MYBPC1: variants seen among roughly 807,000 people sequenced by gnomAD.
MYBPC1 encodes the protein myosin binding protein C1.
Under a neutral mutation model 147.1 loss-of-function variants are expected in MYBPC1, and 52 were observed. The ratio of observed to expected loss-of-function variants is 0.35; its 90% CI spans 0.28 to 0.45. The LOEUF (loss-of-function observed/expected upper bound fraction) is 0.45, where lower values mean the gene tolerates loss of function less well. Among genes scored for constraint, MYBPC1 ranks in the 20% least tolerant of loss-of-function variants. MYBPC1 has a pLI of 1.00. For synonymous variants in MYBPC1, 477 were observed against 475.9 expected (o/e 1.00, Z -0.03); for missense variants, 1,228 against 1,440.3 (o/e 0.85, Z 2.39).
In MYBPC1 at chr12:101,639,122, A is replaced by T. The variant is rs77746146; in HGVS notation, c.665+2394A>T. On this transcript the variant is annotated intron_variant, in intron 10 of 31. Coordinates refer to ENST00000361466, the MANE Select transcript of MYBPC1 (RefSeq NM_002465.4). ...TTCAAATAGACATTAGCTAAATCAGATTAAATCTTTTGGGCAGCATCCTGT... is the reference window on the plus strand; with the variant it reads ...TTCAAATAGACATTAGCTAAATCAGTTTAAATCTTTTGGGCAGCATCCTGT... 6.2e-3 allele frequency among the ~76,000 whole-genome samples: 948 copies of T among 152,320 alleles called. 8 individuals carry two copies. The highest frequency in any genetic ancestry group is 9.6e-3 in the Non-Finnish European group (650 of 68,024).
chr12:101,658,058 G>A (rs1287569621), intron 18 of MYBPC1, among the ~76,000 whole-genome samples: 1 of 151,548 alleles, frequency 6.6e-6, no homozygotes, highest in Non-Finnish European at 1.5e-5. Context: ...GTGAACCCGG[G>A]AGGCGGAGCT....
rs372563184 is a variant in MYBPC1, at chr12:101,678,255, T to C, written c.3246+17T>C. On this transcript the variant is annotated intron_variant, in intron 28 of 31. Coordinates refer to ENST00000361466, the MANE Select transcript of MYBPC1 (RefSeq NM_002465.4). ...AATCCTAAGGTACCATGTTCTTCTA[T>C]CACATCAGTTAAAGTCCCTGTCTTG... is the stretch of plus-strand genomic sequence containing the variant. 1.3e-5 allele frequency: 21 copies of C among 1,613,562 alleles called. No homozygotes were observed. The highest frequency in any genetic ancestry group is 2.2e-5 in the South Asian group (2 of 91,088).
At chr12:101,621,085 A>T (rs957207224) in intron 3 of MYBPC1, among the ~76,000 whole-genome samples, 11 of 152,218 alleles carry the variant, frequency 7.2e-5, no homozygotes, top group Non-Finnish European at 1.6e-4. Context: ...TTTTAAAAAA[A>T]TTTAGGTTCT....
At chr12:101,621,712 G>C (rs1164478417) in intron 3 of MYBPC1, among the ~76,000 whole-genome samples, 4 of 152,058 alleles carry the variant, frequency 2.6e-5, no homozygotes, top group Non-Finnish European at 5.9e-5. Flanking sequence ...AATTTTAAAA[G>C]GCAATTTAAA....
intron 10 of MYBPC1, among the ~76,000 whole-genome samples, chr12:101,638,306 G>T (rs1234924489): frequency 6.6e-6 from 1 of 152,186 alleles, no homozygotes; most frequent in African/African-American, 2.4e-5. Context: ...CCAGTGCCTG[G>T]CACATAGAAA....
At chr12:101,606,812 TG>T (rs535629535) in intron 1 of MYBPC1, among the ~76,000 whole-genome samples, 3 of 152,028 alleles carry the variant, frequency 2.0e-5, no homozygotes, top group East Asian at 1.9e-4. Flanking sequence ...TTGCTGATTT[TG>T]GGGGGGTACA....
chr12:101,680,601 T>A (rs1950876417), intron 29 of MYBPC1, 72 bp downstream of exon 29: 3 of 1,576,768 alleles, frequency 1.9e-6, no homozygotes, highest in African/African-American at 1.3e-5. Context: ...TTAATGCTTA[T>A]TGTTCTTAAT....
chr12:101,688,671 G>C (rs1477714341), downstream of MYBPC1, among the ~76,000 whole-genome samples: 1 of 152,042 alleles, frequency 6.6e-6, no homozygotes, highest in Admixed American at 6.6e-5. Flanking sequence ...ATAAATAAAG[G>C]TACTTGAGGC....
At chr12:101,613,903 G>C (rs1885107644) in intron 1 of MYBPC1, among the ~76,000 whole-genome samples, 1 of 152,182 alleles carries the variant, frequency 6.6e-6, no homozygotes, top group Non-Finnish European at 1.5e-5. Flanking sequence ...AAAGCCAGAG[G>C]ACTTTCATGT....
At chr12:101,631,914 T>A (rs1394356949) in intron 7 of MYBPC1, 107 bp from the exon 8 acceptor site, 2 of 1,298,192 alleles carry the variant, frequency 1.5e-6, no homozygotes, top group Non-Finnish European at 2.2e-6. Context: ...CCTCCTATAG[T>A]GAGAACATTG....
chr12:101,668,187 A>G (rs908373502), intron 23 of MYBPC1, among the ~76,000 whole-genome samples: 3 of 152,130 alleles, frequency 2.0e-5, no homozygotes, highest in African/African-American at 7.2e-5. Context: ...GAGAGAGAGT[A>G]TGTTCATACA....
At position 101,678,383 on chromosome 12, in the gene MYBPC1, T is replaced by G. The variant is rs894051448; in HGVS notation, c.3246+145T>G. 5 of 1,187,260 alleles carry G rather than the reference T, an allele frequency of 4.2e-6. No individual in the cohort carries two copies. The African/African-American group carries it at 7.6e-5, about 18-fold the overall frequency. 73.5% of individuals were successfully genotyped at this position (1,187,260 alleles called of 1,614,324 possible). Reference sequence around the variant, plus strand: ...GAAGGTGGTAGTGGTGGTAGATTATTAGGCACACTATTCAGATGTAGTAGT... The same window carrying G: ...GAAGGTGGTAGTGGTGGTAGATTATGAGGCACACTATTCAGATGTAGTAGT... On this transcript the variant is annotated intron_variant, in intron 28 of 31. Coordinates refer to ENST00000361466, the MANE Select transcript of MYBPC1 (RefSeq NM_002465.4).
chr12:101,686,807 G>T (rs2136978058), downstream of MYBPC1, among the ~76,000 whole-genome samples: 1 of 152,204 alleles, frequency 6.6e-6, no homozygotes, highest in South Asian at 2.1e-4. Flanking sequence ...TTGATGTTGG[G>T]CTCGTAAAGG....
chr12:101,643,300 T>C (rs1042183466), intron 11 of MYBPC1, among the ~76,000 whole-genome samples: 3 of 152,154 alleles, frequency 2.0e-5, no homozygotes, highest in African/African-American at 7.2e-5. Flanking sequence ...GGTTGAGAAA[T>C]GGCCCCAGAG....
At chr12:101,607,084 G>A (rs188723499) in intron 1 of MYBPC1, among the ~76,000 whole-genome samples, 25 of 152,266 alleles carry the variant, frequency 1.6e-4, no homozygotes, top group African/African-American at 5.5e-4. Context: ...GCCCCCCAAA[G>A]TGCTGAGATC....
intron 24 of MYBPC1, among the ~76,000 whole-genome samples, chr12:101,671,347 A>ACACACT (rs1898673140): frequency 1.3e-5 from 2 of 151,834 alleles, no homozygotes; most frequent in Non-Finnish European, 2.9e-5. Flanking sequence ...ACTCACACAC[A>ACACACT]CACACTCACA....
intron 10 of MYBPC1, among the ~76,000 whole-genome samples, chr12:101,640,111 C>A (rs186302267): frequency 6.6e-6 from 1 of 152,190 alleles, no homozygotes; most frequent in East Asian, 1.9e-4. Flanking sequence ...ACCTCCTGGG[C>A]TCAAGCAATC....
At chr12:101,649,181 A>G (rs991340893) in intron 14 of MYBPC1, 79 bp from the exon 15 acceptor site, 72 of 1,298,238 alleles carry the variant, frequency 5.5e-5, no homozygotes, top group Non-Finnish European at 7.9e-5. Flanking sequence ...TCTTCAGGAT[A>G]TTGCAATAAG....
rs1313442317 is a variant in MYBPC1, at chr12:101,648,068, C to CA, written c.1115dup (p.Leu373AlafsTer17). On this transcript the variant is annotated frameshift_variant, in exon 14 of 32. Coordinates refer to ENST00000361466, the MANE Select transcript of MYBPC1 (RefSeq NM_002465.4). LOFTEE classifies it high-confidence loss of function. The stretch of plus-strand genomic sequence containing the variant: ...AGAGCCTCCAATTATGGTGACCAAA[C>CA]AGCTGGAAGATACAACTGCTTATTG... 6.2e-7 allele frequency: 1 copy of CA among 1,612,598 alleles called. No homozygotes were observed. Among genetic ancestry groups the CA allele is most frequent in the Non-Finnish European group, 8.5e-7 (1 of 1,178,800 alleles).
Sources: gnomAD v4.1 joint callset for allele counts (sites outside exome capture counted in the v4.1 genomes callset) on GRCh38, gnomAD v4.1.1 for gene constraint, MANE v1.5 for transcripts, NCBI Gene and HGNC (gene_info 2026-07-23, HGNC 2026-07-21) for gene names.